The following PLEKHA5 variants were observed in gnomAD, a reference collection of about 807,000 sequenced individuals.
The protein encoded by PLEKHA5 is pleckstrin homology domain containing A5.
A neutral mutation model predicts 181.9 loss-of-function variants in PLEKHA5; 55 were observed. The observed-to-expected ratio is 0.30, with a 90% CI of 0.24 to 0.38. The LOEUF is 0.38. Among genes scored for constraint, PLEKHA5 ranks in the 10% least tolerant of loss-of-function variants. The probability of loss-of-function intolerance (pLI) is 1.00; values close to 1 mark genes in which losing one functional copy is unlikely to be tolerated. For missense variants in PLEKHA5, 1,432 were observed against 1,549.5 expected (o/e 0.92, Z 1.27); for synonymous variants, 535 against 529.4 (o/e 1.01, Z -0.15).
In PLEKHA5 at chr12:19,359,439, G is replaced by C; in HGVS notation, c.3376G>C (p.Asp1126His). 1 of 1,613,596 alleles carries C rather than the reference G, an allele frequency of 6.2e-7. No homozygotes were observed. The highest frequency in any genetic ancestry group is 1.7e-5 in the Admixed American group (1 of 59,996). Residue 1126 changes from aspartate to histidine, a missense_variant, in exon 28 of 32, where the codon GAC becomes CAC. Around this residue, in one of 2 missense-constraint regions of PLEKHA5, gnomAD observed 1,143 missense variants for 1,168.4 expected, o/e 0.98. Transcript: ENST00000429027. ...QTRRRDDKEL[D>H]TAIRENDVKP... ...TCGAAGGAGGGATGATAAGGAACTGGACACTGCCATTAGAGAAAATGATGT... is the reference window on the plus strand; with the variant it reads ...TCGAAGGAGGGATGATAAGGAACTGCACACTGCCATTAGAGAAAATGATGT...
At chr12:19,291,078 G>A (rs997369386) in intron 14 of PLEKHA5, among the ~76,000 whole-genome samples, 2 of 152,046 alleles carry the variant, frequency 1.3e-5, no homozygotes, top group African/African-American at 4.8e-5. Context: ...CTTCATGTAC[G>A]CATTAACTTC....
At chr12:19,297,423 C>T (rs889802119) in intron 15 of PLEKHA5, among the ~76,000 whole-genome samples, 1 of 150,156 alleles carries the variant, frequency 6.7e-6, no homozygotes, top group African/African-American at 2.5e-5. Context: ...GAGATCGAGA[C>T]CATCCTGGCT....
intron 3 of PLEKHA5, among the ~76,000 whole-genome samples, chr12:19,232,146 G>A (rs1010680582): frequency 2.6e-5 from 4 of 152,114 alleles, no homozygotes; most frequent in Admixed American, 6.5e-5. Context: ...TTAGATGTTA[G>A]TCCAGTCTCC....
chr12:19,250,632 C>G (rs910445265), intron 3 of PLEKHA5, among the ~76,000 whole-genome samples: 10 of 151,936 alleles, frequency 6.6e-5, no homozygotes, highest in African/African-American at 2.2e-4. Flanking sequence ...TGAATTTTAT[C>G]CTTTTTATAA....
intron 31 of PLEKHA5, among the ~76,000 whole-genome samples, chr12:19,370,494 A>AGTTTTTT (rs2095547474): frequency 1.3e-5 from 2 of 152,246 alleles, no homozygotes; most frequent in East Asian, 1.9e-4. Context: ...GTACTCTAAA[A>AGTTTTTT]GTTTTTTAAC....
intron 3 of PLEKHA5, among the ~76,000 whole-genome samples, chr12:19,182,000 A>G (rs896091201): frequency 1.1e-4 from 17 of 152,214 alleles, no homozygotes; most frequent in Non-Finnish European, 7.4e-5. Flanking sequence ...AAGAGATTAT[A>G]TATTACATAA....
rs570574025 is a variant in PLEKHA5 at position 19,193,287 on chromosome 12, A to G, written c.228-60653A>G. ...TCACAAGAATGATGCTTCATTAGGT[A>G]AGACTTTGTTTATTAAGATAATTTA... On this transcript the variant is annotated intron_variant, in intron 3 of 31. Transcript: ENST00000429027. Among the ~76,000 whole-genome samples the G allele has an allele frequency of 4.6e-5, 7 of 152,328 alleles. No homozygotes were observed. In the South Asian group the frequency reaches 1.5e-3, roughly 32 times the overall value.
intron 7 of PLEKHA5, among the ~76,000 whole-genome samples, chr12:19,264,270 T>A (rs1292868649): frequency 1.3e-5 from 2 of 152,086 alleles, no homozygotes; most frequent in Admixed American, 1.3e-4. Context: ...AGCTAGTTAG[T>A]GTTAGGCAGG....
intron 18 of PLEKHA5, 75 bp downstream of exon 18, chr12:19,320,699 C>A: frequency 1.5e-6 from 1 of 657,498 alleles, no homozygotes; most frequent in Non-Finnish European, 2.6e-6. Context: ...TAAGCATGAC[C>A]AAAAAACTTC....
intron 11 of PLEKHA5, among the ~76,000 whole-genome samples, chr12:19,278,686 C>T (rs781447877): frequency 3.3e-5 from 5 of 151,828 alleles, no homozygotes; most frequent in Admixed American, 6.6e-5. Context: ...TGATAGGAGA[C>T]GGTGAAGATG....
intron 23 of PLEKHA5, among the ~76,000 whole-genome samples, chr12:19,346,556 A>C (rs975144075): frequency 7.2e-5 from 11 of 152,158 alleles, no homozygotes; most frequent in African/African-American, 2.7e-4. Flanking sequence ...GGATCCCTTG[A>C]GCCCAGGAGT....
chr12:19,133,571 T>A (rs1017332752), intron 3 of PLEKHA5, among the ~76,000 whole-genome samples: 22 of 152,018 alleles, frequency 1.4e-4, no homozygotes, highest in Admixed American at 3.3e-4. Context: ...GTGACATTTT[T>A]AAGATCATGT....
chr12:19,369,769 A>G lies in PLEKHA5; in HGVS notation c.3831A>G (p.Ser1277=), dbSNP rs762912291. ...CTCAGCCGCAGCTCACAGAAGGATCACATTTCATGTGTGTGTAGTCTTAGA... is the reference window on the plus strand; with the variant it reads ...CTCAGCCGCAGCTCACAGAAGGATCGCATTTCATGTGTGTGTAGTCTTAGA... ...PSTQPQLTEG[S]HFMCV The change falls in exon 31 of 32, where the codon TCA becomes TCG. Residue 1277 remains serine, a synonymous_variant. Transcript: ENST00000429027. The G allele has an allele frequency of 6.2e-7, 1 of 1,610,058 alleles. No homozygotes were observed. The highest frequency in any genetic ancestry group is 8.5e-7 in the Non-Finnish European group (1 of 1,176,886).
At chr12:19,338,380 G>A (rs1397297735) in intron 21 of PLEKHA5, among the ~76,000 whole-genome samples, 1 of 151,914 alleles carries the variant, frequency 6.6e-6, no homozygotes, top group Non-Finnish European at 1.5e-5. Flanking sequence ...AGCACTTTGG[G>A]AGGCCGTGGT....
intron 20 of PLEKHA5, among the ~76,000 whole-genome samples, chr12:19,331,013 T>A (rs2092780597): frequency 6.6e-6 from 1 of 152,142 alleles, no homozygotes; most frequent in Non-Finnish European, 1.5e-5. Context: ...GTAGGTTTTA[T>A]TTTTTAATGA....
At chr12:19,297,593 C>T (rs1236402959) in intron 15 of PLEKHA5, among the ~76,000 whole-genome samples, 67 of 137,784 alleles carry the variant, frequency 4.9e-4, no homozygotes, top group Non-Finnish European at 6.4e-4. Context: ...CTGCAGTCCG[C>T]AGTCCGGCCT....
At chr12:19,342,515 G>T (rs377546874) in intron 21 of PLEKHA5, among the ~76,000 whole-genome samples, 2 of 152,282 alleles carry the variant, frequency 1.3e-5, no homozygotes, top group Non-Finnish European at 2.9e-5. Context: ...AATTAGCCGG[G>T]TGTGGTGGCA....
intron 10 of PLEKHA5, among the ~76,000 whole-genome samples, chr12:19,272,942 T>A (rs1257198615): frequency 6.6e-6 from 1 of 152,232 alleles, no homozygotes; most frequent in Non-Finnish European, 1.5e-5. Context: ...AGTCTCGCTC[T>A]GTCGCCCAGG....
chr12:19,368,975 A>G (rs1012768778), intron 30 of PLEKHA5, among the ~76,000 whole-genome samples: 3 of 152,078 alleles, frequency 2.0e-5, no homozygotes, highest in Non-Finnish European at 4.4e-5. Context: ...TCCAACAGAA[A>G]ATTAACCTCA....
Sources: gnomAD v4.1 joint callset for allele counts (sites outside exome capture counted in the v4.1 genomes callset) on GRCh38, gnomAD v4.1.1 for gene constraint, gnomAD v4.1.1 regional missense constraint, MANE v1.5 for transcripts, NCBI Gene and HGNC (gene_info 2026-07-23, HGNC 2026-07-21) for gene names.